SIM2: variants seen among roughly 807,000 people sequenced by gnomAD.
SIM2 encodes the protein single-minded homolog 2.
A neutral mutation model predicts 64.8 loss-of-function variants in SIM2; 28 were observed. The ratio of observed to expected loss-of-function variants is 0.43; its 90% confidence interval spans 0.32 to 0.59. SIM2 has a LOEUF of 0.59. Among genes scored for constraint, SIM2 ranks in the 20% least tolerant of loss-of-function variants. The pLI is 0.07. For synonymous variants in SIM2, 408 were observed against 391.1 expected (o/e 1.04, Z -0.51); for missense variants, 847 against 871.4 (o/e 0.97, Z 0.35).
chr21:36,711,566 G>T (rs1000387091), intron 2 of SIM2, among the ~76,000 whole-genome samples: 2 of 152,224 alleles, frequency 1.3e-5, no homozygotes, highest in African/African-American at 4.8e-5. Context: ...GGTGGAGGGG[G>T]TGGCTTAGAA....
chr21:36,720,118 G>A (rs931052400), intron 4 of SIM2, 189 bp downstream of exon 4: 1 of 582,634 alleles, frequency 1.7e-6, no homozygotes, highest in East Asian at 2.8e-5. Flanking sequence ...TGTCTTTTAA[G>A]CCAATATTCA....
At chr21:36,700,588 T>C (rs2088477544) in intron 1 of SIM2, among the ~76,000 whole-genome samples, 1 of 152,186 alleles carries the variant, frequency 6.6e-6, no homozygotes, top group Non-Finnish European at 1.5e-5. Flanking sequence ...TTTTTGTCTC[T>C]TCTGGAGGAG....
chr21:36,732,867 G>A (rs2088989663), intron 7 of SIM2, among the ~76,000 whole-genome samples: 1 of 152,242 alleles, frequency 6.6e-6, no homozygotes, highest in African/African-American at 2.4e-5. Context: ...CGGGTGTGAA[G>A]AGCAGAGTGG....
intron 2 of SIM2, chr21:36,710,644 A>G (rs897252881): frequency 7.2e-5 from 11 of 152,152 alleles, no homozygotes; most frequent in African/African-American, 2.7e-4. Context: ...GACTTAGGTC[A>G]GCGAGTCAGC....
chr21:36,722,875 T>C lies in SIM2; in HGVS notation c.458-170T>C, dbSNP rs563956312. ...ACCAGGACTGGGCTGGTGTCTCCAC[T>C]GCCCCACCCAGATCTCAGCCAAGGC... is the stretch of plus-strand genomic sequence containing the variant. On this transcript the variant is annotated intron_variant, in intron 4 of 10. Coordinates refer to ENST00000290399, the MANE Select transcript of SIM2 (RefSeq NM_005069.6). Among the ~76,000 whole-genome samples, 7 of 152,240 alleles carry C rather than the reference T, an allele frequency of 4.6e-5. No individual in the cohort carries two copies. In the South Asian group the frequency reaches 1.5e-3, roughly 32 times the overall value.
At chr21:36,712,429 T>C in intron 2 of SIM2, 104 bp from the exon 3 acceptor site, 1 of 770,814 alleles carries the variant, frequency 1.3e-6, no homozygotes, top group Non-Finnish European at 2.2e-6. Flanking sequence ...TATGTGTTGA[T>C]GGTCATATTT....
chr21:36,744,464 AAG>A (rs1013605859), intron 9 of SIM2, among the ~76,000 whole-genome samples: 2 of 107,838 alleles, frequency 1.9e-5, no homozygotes, highest in Admixed American at 8.3e-5. Flanking sequence ...AAGAAGGAAA[AAG>A]AGAAAGAAAG....
chr21:36,708,673 G>A lies in SIM2; in HGVS notation c.176-495G>A, dbSNP rs191881678. ...ATGCGGGAGGAGCTGCCTCCTGGGCGGCGGGGACTTTCTGTCTCAGCCTGT... is the reference window on the plus strand; with the variant it reads ...ATGCGGGAGGAGCTGCCTCCTGGGCAGCGGGGACTTTCTGTCTCAGCCTGT... On this transcript the variant is annotated intron_variant, in intron 1 of 10. Transcript: ENST00000290399. 1.1e-3 allele frequency among the ~76,000 whole-genome samples: 164 copies of A among 152,304 alleles called. 1 individual carries two copies. Among genetic ancestry groups the A allele is most frequent in the African/African-American group, 3.8e-3 (156 of 41,566 alleles).
intron 1 of SIM2, among the ~76,000 whole-genome samples, chr21:36,700,922 C>T (rs1250500355): frequency 1.3e-5 from 2 of 152,270 alleles, no homozygotes; most frequent in African/African-American, 4.8e-5. Context: ...TAGTGGCGCG[C>T]TGGGTGGGCT....
intron 7 of SIM2, among the ~76,000 whole-genome samples, chr21:36,736,301 G>A (rs1188083856): frequency 6.6e-6 from 1 of 152,032 alleles, no homozygotes; most frequent in East Asian, 1.9e-4. Flanking sequence ...CTCTTCTGGG[G>A]CCTCGCTTTC....
At chr21:36,723,455 G>A (rs1372384838) in intron 5 of SIM2, among the ~76,000 whole-genome samples, 1 of 152,176 alleles carries the variant, frequency 6.6e-6, no homozygotes, top group Non-Finnish European at 1.5e-5. Flanking sequence ...CCATCCTCCT[G>A]GGCACAGTGC....
Position 36,745,091 on chromosome 21 carries a change from C to T in SIM2, c.1531C>T (p.Pro511Ser), listed in dbSNP as rs367607207. 56 of 1,612,700 alleles carry T rather than the reference C, an allele frequency of 3.5e-5. No individual in the cohort carries two copies. In the African/African-American group the frequency reaches 7.5e-4, roughly 22 times the overall value. ...SSSPAKNPPEPPANTARHSLV... is the reference protein window; with the variant it reads ...SSSPAKNPPESPANTARHSLV... ...GTCTCCAGCTAAAAATCCTCCAGAGCCACCGGCGAACACTGCTAGGCACAG... is the reference window on the plus strand; with the variant it reads ...GTCTCCAGCTAAAAATCCTCCAGAGTCACCGGCGAACACTGCTAGGCACAG... The change falls in exon 10 of 11, where the codon CCA becomes TCA. Residue 511 changes from proline to serine, a missense_variant. Pro to Ser is a moderately conservative substitution (Grantham distance 74). Transcript: ENST00000290399. The surrounding 1 kb of genome is among the most constrained non-coding windows in gnomAD (Gnocchi z 4.8).
At chr21:36,709,278 G>A (rs1289733832) in intron 2 of SIM2, 28 bp downstream of exon 2, 18 of 1,527,164 alleles carry the variant, frequency 1.2e-5, no homozygotes, top group Non-Finnish European at 1.4e-5. Flanking sequence ...GGGGAGGAGC[G>A]CAGCCGCCGC....
chr21:36,710,550 C>T (rs758809134), intron 2 of SIM2: 17 of 152,062 alleles, frequency 1.1e-4, no homozygotes, highest in Non-Finnish European at 1.6e-4. Flanking sequence ...AAATGCCTAC[C>T]GAGAGCTGCT....
At position 36,726,222 on chromosome 21, in the gene SIM2, C is replaced by T. The variant is rs779960078; in HGVS notation, c.647C>T (p.Ser216Leu). 1.1e-5 allele frequency: 18 copies of T among 1,613,642 alleles called. No individual in the cohort carries two copies. Among genetic ancestry groups the T allele is most frequent in the South Asian group, 2.2e-5 (2 of 91,072 alleles). The change falls in exon 6 of 11, where the codon TCG becomes TTG. Residue 216 changes from serine (S) to leucine (L), a missense_variant. Ser to Leu is a moderately radical substitution (Grantham distance 145, BLOSUM62 -2). Coordinates refer to ENST00000290399, the MANE Select transcript of SIM2 (RefSeq NM_005069.6). This position sits in a 1 kb window ranked among gnomAD's most constrained non-coding sequence, Gnocchi z 4.5. ...GTGGGGCTGGTGGCCGTGGGCCAGTCGCTGCCACCCAGTGCCATCACCGAG... is the reference window on the plus strand; with the variant it reads ...GTGGGGCTGGTGGCCGTGGGCCAGTTGCTGCCACCCAGTGCCATCACCGAG... ...QIVGLVAVGQ[S>L]LPPSAITEIK...
intron 4 of SIM2, among the ~76,000 whole-genome samples, chr21:36,721,967 G>T (rs76782031): frequency 6.6e-6 from 1 of 152,154 alleles, no homozygotes; most frequent in Non-Finnish European, 1.5e-5. Flanking sequence ...ACAGCCGGCC[G>T]AGGGGTGCAG....
intron 3 of SIM2, among the ~76,000 whole-genome samples, chr21:36,713,361 G>A (rs780237070): frequency 1.3e-5 from 2 of 152,152 alleles, no homozygotes; most frequent in Non-Finnish European, 2.9e-5. Context: ...GGGGGATTTG[G>A]GGGCTCCCTG....
Position 36,745,719 on chromosome 21 carries a change from G to A in SIM2, c.1576+583G>A, listed in dbSNP as rs1035739430. The A allele has an allele frequency of 9.5e-6, 12 of 1,269,802 alleles. No homozygotes were observed. The highest frequency in any genetic ancestry group is 5.8e-5 in the East Asian group (1 of 17,164). The allele number at this position is 1,269,802 out of a possible 1,614,324, so 78.7% of individuals were successfully genotyped here. On this transcript the variant is annotated intron_variant, in intron 10 of 10. Coordinates refer to ENST00000290399, the MANE Select transcript of SIM2 (RefSeq NM_005069.6). The surrounding 1 kb of genome is among the most constrained non-coding windows in gnomAD (Gnocchi z 4.8). ...GTGATGTGCCTACTCCCAAGGACAC[G>A]ACACACAGTAGGGACCTGCCCTGTA...
chr21:36,713,378 T>C (rs1436637322), intron 3 of SIM2, among the ~76,000 whole-genome samples: 4 of 152,202 alleles, frequency 2.6e-5, no homozygotes, highest in East Asian at 1.9e-4. Context: ...CCTGGGCCCA[T>C]TGAATGTCTG....
Sources: allele counts gnomAD v4.1 joint callset (sites outside exome capture counted in the v4.1 genomes callset), GRCh38; gene constraint gnomAD v4.1.1; non-coding constraint Gnocchi (gnomAD v3.1); transcripts MANE v1.5; gene names NCBI Gene and HGNC (gene_info 2026-07-23, HGNC 2026-07-21).